Variants in TLE2 observed in about 807,000 individuals in gnomAD.
TLE2 encodes the protein TLE family member 2, transcriptional corepressor, also known as transducin-like enhancer protein 2.
TLE2 carries 74 observed loss-of-function variants against 97.2 expected under a neutral mutation model. The ratio of observed to expected loss-of-function variants is 0.76; its 90% CI spans 0.63 to 0.92. The LOEUF is 0.92. TLE2 is among the 40% of genes least tolerant of loss of function. TLE2 has a pLI of 0.00. For synonymous variants in TLE2, 499 were observed against 432.1 expected (o/e 1.15, Z -1.92); for missense variants, 1,038 against 1,008.7 (o/e 1.03, Z -0.39).
chr19:3,029,559 G>GGGGGGT, upstream of TLE2: 1 of 489,536 alleles, frequency 2.0e-6, no homozygotes, highest in Non-Finnish European at 2.4e-6. Flanking sequence ...CCGTGGGAGC[G>GGGGGGT]GGGGGGGGGG....
intron 1 of TLE2, among the ~76,000 whole-genome samples, chr19:3,043,346 A>AC (rs1270465689): frequency 7.8e-6 from 1 of 128,568 alleles, no homozygotes; most frequent in Non-Finnish European, 1.6e-5. Flanking sequence ...GAGCCATGGC[A>AC]CCCGGCCCCT....
At chr19:2,998,236 AATGTGTGTGTGTGTGTGTGT>A (rs1167371944) in intron 19 of TLE2, among the ~76,000 whole-genome samples, 34 of 85,136 alleles carry the variant, frequency 4.0e-4, no homozygotes, top group African/African-American at 1.9e-3. Flanking sequence ...ACGCCCGGCC[AATGTGTGTGTGTGTGTGTGT>A]GTGTGTGTGT....
intron 11 of TLE2, among the ~76,000 whole-genome samples, chr19:3,012,195 G>C (rs578118841): frequency 5.0e-4 from 76 of 152,338 alleles, no homozygotes; most frequent in African/African-American, 1.8e-3. Flanking sequence ...AGTGGTTGCA[G>C]TGAGCCAAGA....
rs1375203710 is a variant in TLE2, at chr19:3,005,491, G to C, written c.1842C>G (p.Arg614=). 3 of 1,613,700 alleles carry C rather than the reference G, an allele frequency of 1.9e-6. No individual in the cohort carries two copies. The highest frequency in any genetic ancestry group is 2.7e-5 in the African/African-American group (2 of 74,932). ...GGCGGCCCTCCCGCAGGTCCCAGCA[G>C]CGCACCGTGTTGTCCAGGCCCCCTG... is the stretch of plus-strand genomic sequence containing the variant. The part of the protein sequence containing the change: ...LWTGGLDNTV[R]CWDLREGRQL... The change falls in exon 17 of 20, where the codon CGC becomes CGG. Residue 614 remains arginine (R), a synonymous_variant. Transcript: ENST00000262953.
upstream of TLE2, among the ~76,000 whole-genome samples, chr19:3,033,009 C>G (rs1269804731): frequency 6.6e-6 from 1 of 151,780 alleles, no homozygotes; most frequent in African/African-American, 2.4e-5. Context: ...TCTCGGCTCA[C>G]TGCAACCTCC....
chr19:3,020,907 G>A (rs2089824470), intron 5 of TLE2, among the ~76,000 whole-genome samples: 1 of 151,620 alleles, frequency 6.6e-6, no homozygotes, highest in Non-Finnish European at 1.5e-5. Flanking sequence ...CCAACATGGT[G>A]AAACCCTATC....
At position 3,019,709 on chromosome 19, in the gene TLE2, C is replaced by T. The variant is rs752236175; in HGVS notation, c.359G>A (p.Ser120Asn). 2.5e-6 allele frequency: 4 copies of T among 1,611,188 alleles called. No homozygotes were observed. The Admixed American group carries it at 5.0e-5, about 20-fold the overall frequency. ...GCTAGAGAGACTCACCCCGATGAGG[C>T]TGTTCAGCTCCCCCACGGTGACCTG... ...AKQVTVGELN[S>N]LIGQQLQPLS... is the part of the protein sequence containing the mutation. The change falls in exon 6 of 20, where the codon AGC (serine) becomes AAC (asparagine). Residue 120 changes from serine (S) to asparagine (N), a missense_variant. Physicochemically the swap from Ser to Asn is conservative, Grantham distance 46. Transcript: ENST00000262953. The surrounding 1 kb of genome is among the most constrained non-coding windows in gnomAD (Gnocchi z 5.1).
rs77298712 is a variant in TLE2, at chr19:3,017,822, A to G, written c.570+18T>C. The G allele has an allele frequency of 4.0e-3, 6,374 of 1,610,558 alleles. 219 individuals carry two copies. In the African/African-American group the frequency reaches 0.075, roughly 19 times the overall value. On this transcript the variant is annotated intron_variant, in intron 8 of 19. Transcript: ENST00000262953. ...CTCCCAAGAATATAAAAAGAGTCCC[A>G]GGGTGCCACTCACTTACCCTGCTCG...
intron 11 of TLE2, 44 bp downstream of exon 11, chr19:3,013,625 C>G: frequency 1.5e-6 from 2 of 1,337,812 alleles, no homozygotes; most frequent in Non-Finnish European, 9.7e-7. Flanking sequence ...TCGGGGCCCC[C>G]GGGATGAATA....
At chr19:3,037,873 G>C (rs2090073520) in intron 1 of TLE2, among the ~76,000 whole-genome samples, 1 of 152,152 alleles carries the variant, frequency 6.6e-6, no homozygotes, top group Admixed American at 6.5e-5. Context: ...TGTGATCCCA[G>C]CACTTAGTTG....
chr19:3,020,627 C>G (rs2089818954), intron 5 of TLE2: 1 of 152,162 alleles, frequency 6.6e-6, no homozygotes, highest in Non-Finnish European at 1.5e-5. Context: ...GATCGCCTTC[C>G]TAAACCTGCG....
chr19:3,012,532 GAAC>G (rs1184378386), intron 11 of TLE2, among the ~76,000 whole-genome samples: 1 of 152,162 alleles, frequency 6.6e-6, no homozygotes, highest in Non-Finnish European at 1.5e-5. Context: ...TGAGATTCTT[GAAC>G]AACAAGGAAT....
intron 19 of TLE2, among the ~76,000 whole-genome samples, chr19:2,999,761 A>G (rs13345197): frequency 0.35 from 50,743 of 146,378 alleles, 10,288 homozygotes; most frequent in African/African-American, 0.56. Flanking sequence ...AGCTGGGCGC[A>G]GTGGCTCACG....
At chr19:3,042,484 C>T (rs1231644788) in intron 1 of TLE2, among the ~76,000 whole-genome samples, 1 of 33,174 alleles carries the variant, frequency 3.0e-5, no homozygotes, top group Admixed American at 4.1e-4. Flanking sequence ...GGGGCGGGAG[C>T]GGGGACGGGG....
intron 11 of TLE2, among the ~76,000 whole-genome samples, chr19:3,012,678 C>T (rs2089621476): frequency 6.6e-6 from 1 of 152,196 alleles, no homozygotes; most frequent in South Asian, 2.1e-4. Context: ...CCAGAGCTGT[C>T]CCTCCCCAAG....
At chr19:2,999,180 G>A (rs1277513194) in intron 19 of TLE2, among the ~76,000 whole-genome samples, 17 of 152,014 alleles carry the variant, frequency 1.1e-4, no homozygotes, top group Non-Finnish European at 2.5e-4. Context: ...TACTTGGGAA[G>A]CTGTGGGAGG....
rs777500081 is a variant in TLE2 at position 3,019,661 on chromosome 19, C to T, written c.369+38G>A. On this transcript the variant is annotated intron_variant, in intron 6 of 19. Transcript: ENST00000262953. The surrounding 1 kb of genome is among the most constrained non-coding windows in gnomAD (Gnocchi z 5.1). ...TGGGTGCCAGGGACCTGGGAGTGGG[C>T]GTCTCCCCATGGCGGGGCAGGGGCT... The T allele has an allele frequency of 1.9e-5, 31 of 1,594,024 alleles. No individual in the cohort carries two copies. The Middle Eastern group carries it at 5.0e-4, about 26-fold the overall frequency.
chr19:3,003,260 GC>G (rs2089405794), intron 17 of TLE2, among the ~76,000 whole-genome samples: 1 of 152,202 alleles, frequency 6.6e-6, no homozygotes. Context: ...GAAGGGAACA[GC>G]CAGGCAAGGA....
At position 2,998,080 on chromosome 19, in the gene TLE2, C is replaced by G. The variant is rs531153; in HGVS notation, c.2125-125G>C. 5,294 of 654,172 alleles carry G rather than the reference C, an allele frequency of 8.1e-3. 192 individuals are homozygous for G. In the African/African-American group the frequency reaches 0.082, roughly 10 times the overall value. 40.5% of individuals were successfully genotyped at this position (654,172 alleles called of 1,614,324 possible). ...GACTCGCCTACAGAGTGACGTGTTT[C>G]TTTTTTTGAGATGGAGTTTTGTTCT... On this transcript the variant is annotated intron_variant, in intron 19 of 19. Coordinates refer to ENST00000262953, the MANE Select transcript of TLE2 (RefSeq NM_003260.5).
Sources: allele counts gnomAD v4.1 joint callset (sites outside exome capture counted in the v4.1 genomes callset), GRCh38; gene constraint gnomAD v4.1.1; non-coding constraint Gnocchi (gnomAD v3.1); transcripts MANE v1.5; gene names NCBI Gene and HGNC (gene_info 2026-07-23, HGNC 2026-07-21).